The following PPP2R5E variants were observed in gnomAD, a reference collection of about 807,000 sequenced individuals.
The protein encoded by PPP2R5E is serine/threonine-protein phosphatase 2A 56 kDa regulatory subunit epsilon isoform.
A neutral mutation model predicts 65.3 loss-of-function variants in PPP2R5E; 4 were observed. That is an observed-to-expected ratio of 0.06 (90% CI 0.03 to 0.14). The LOEUF (loss-of-function observed/expected upper bound fraction) is 0.14. Ranked by LOEUF, PPP2R5E falls within the 10% of genes least tolerant of loss-of-function variation. The pLI is 1.00. For synonymous variants in PPP2R5E, 183 were observed against 187.4 expected (o/e 0.98, Z 0.19); for missense variants, 274 against 556.1 (o/e 0.49, Z 5.10).
chr14:63,520,704 C>T (rs547095483), intron 2 of PPP2R5E, among the ~76,000 whole-genome samples: 41 of 152,086 alleles, frequency 2.7e-4, no homozygotes, highest in African/African-American at 9.6e-4. Context: ...TAGCTGTTTG[C>T]TTCATATACA....
At position 63,382,090 on chromosome 14, in the gene PPP2R5E, C is replaced by T. The variant is rs1444354743; in HGVS notation, c.1270G>A (p.Glu424Lys). 2 of 1,613,574 alleles carry T rather than the reference C, an allele frequency of 1.2e-6. No individual in the cohort carries two copies. Among genetic ancestry groups the T allele is most frequent in the Non-Finnish European group, 8.5e-7 (1 of 1,179,722 alleles). ...TCTGACTTGTATGTGGCTGTCAGCT[C>T]GTCAAACATGGTGCTGTTCATTTCC... ...FMEMNSTMFD[E>K]LTATYKSDRQ... Residue 424 changes from glutamate to lysine, a missense_variant, in exon 13 of 14, where the codon GAG becomes AAG. By Grantham distance (56) the Glu-to-Lys change is moderately conservative. Transcript: ENST00000337537.
rs1260935277 is a variant in PPP2R5E at position 63,375,788 on chromosome 14, T to C, written c.*221A>G. On this transcript the variant is annotated 3_prime_UTR_variant, in exon 14 of 14. Transcript: ENST00000337537. Reference sequence around the variant, plus strand: ...AAGAGGGTGAGAACAATGATTATGTTTGCAAAGTTCTGAGAAGTCCATCTA... The same window carrying C: ...AAGAGGGTGAGAACAATGATTATGTCTGCAAAGTTCTGAGAAGTCCATCTA... 2.9e-6 allele frequency: 1 copy of C among 345,896 alleles called. No individual in the cohort carries two copies. Among genetic ancestry groups the C allele is most frequent in the African/African-American group, 2.1e-5 (1 of 47,272 alleles). The allele number at this position is 345,896 out of a possible 1,614,324, so 21.4% of individuals were successfully genotyped here. A position where few individuals can be genotyped will look rare whatever the true frequency, so the allele number is the denominator to read the frequency against.
At chr14:63,411,797 T>C (rs972834025) in intron 5 of PPP2R5E, among the ~76,000 whole-genome samples, 22 of 151,932 alleles carry the variant, frequency 1.4e-4, no homozygotes, top group African/African-American at 2.9e-4. Context: ...CAGAAGCAGA[T>C]GCTAGTGCCA....
At chr14:63,448,151 G>A (rs1222003316) in intron 3 of PPP2R5E, among the ~76,000 whole-genome samples, 1 of 151,862 alleles carries the variant, frequency 6.6e-6, no homozygotes, top group Non-Finnish European at 1.5e-5. Context: ...CAAAAAATTA[G>A]CCAGGCGTGG....
intron 2 of PPP2R5E, among the ~76,000 whole-genome samples, chr14:63,534,604 C>CT (rs1893591483): frequency 6.6e-6 from 1 of 152,124 alleles, no homozygotes; most frequent in Admixed American, 6.6e-5. Context: ...GAGTAAGAAT[C>CT]TTTTAGACTC....
intron 13 of PPP2R5E, among the ~76,000 whole-genome samples, chr14:63,381,494 G>A (rs905581856): frequency 1.3e-5 from 2 of 152,162 alleles, no homozygotes; most frequent in Non-Finnish European, 2.9e-5. Context: ...TCTTAACCCT[G>A]AGGCAGAAGT....
At chr14:63,399,370 T>TC (rs1885610485) in intron 5 of PPP2R5E, among the ~76,000 whole-genome samples, 1 of 75,954 alleles carries the variant, frequency 1.3e-5, no homozygotes. Flanking sequence ...TTCTTTCTTT[T>TC]TTTTTTTTTT....
At chr14:63,380,114 G>A (rs1050133453) in intron 13 of PPP2R5E, among the ~76,000 whole-genome samples, 7 of 151,840 alleles carry the variant, frequency 4.6e-5, no homozygotes, top group South Asian at 2.1e-4. Context: ...GATTACAGGC[G>A]TGAGCTACCG....
At chr14:63,519,666 CTCTT>C (rs1360351517) in intron 2 of PPP2R5E, among the ~76,000 whole-genome samples, 3 of 148,980 alleles carry the variant, frequency 2.0e-5, no homozygotes, top group Admixed American at 1.3e-4. Flanking sequence ...AGGACAAACT[CTCTT>C]TTTTTTTTTT....
chr14:63,384,338 A>T, intron 12 of PPP2R5E, 106 bp downstream of exon 12: 1 of 1,323,298 alleles, frequency 7.6e-7, no homozygotes, highest in Non-Finnish European at 1.1e-6. Context: ...TTATCTTTTC[A>T]CATACGTCTT....
chr14:63,483,248 G>A (rs1890801094), intron 2 of PPP2R5E, among the ~76,000 whole-genome samples: 1 of 152,082 alleles, frequency 6.6e-6, no homozygotes, highest in Admixed American at 6.6e-5. Context: ...ATGGGGAGGG[G>A]GGGTCACAGT....
intron 2 of PPP2R5E, among the ~76,000 whole-genome samples, chr14:63,516,053 G>C (rs1337405861): frequency 1.3e-5 from 2 of 151,796 alleles, no homozygotes; most frequent in Admixed American, 1.3e-4. Context: ...CTTTCACCAT[G>C]TTAGCCAGGA....
intron 3 of PPP2R5E, among the ~76,000 whole-genome samples, chr14:63,450,405 C>T (rs1358346496): frequency 1.3e-5 from 2 of 152,142 alleles, no homozygotes; most frequent in African/African-American, 4.8e-5. Context: ...TATTTTAAAA[C>T]ACATACAAAT....
intron 11 of PPP2R5E, among the ~76,000 whole-genome samples, chr14:63,387,981 C>T (rs949821854): frequency 1.3e-5 from 2 of 152,250 alleles, no homozygotes; most frequent in Non-Finnish European, 2.9e-5. Context: ...TCTCAAACTT[C>T]TGGCCTCCAG....
At chr14:63,474,566 G>A (rs568499372) in intron 2 of PPP2R5E, among the ~76,000 whole-genome samples, 7 of 151,218 alleles carry the variant, frequency 4.6e-5, no homozygotes, top group Admixed American at 6.6e-5. Flanking sequence ...CCAGCTACTC[G>A]GGAGGCTGAG....
At chr14:63,421,210 C>A (rs1887004489) in intron 4 of PPP2R5E, among the ~76,000 whole-genome samples, 1 of 151,974 alleles carries the variant, frequency 6.6e-6, no homozygotes, top group Non-Finnish European at 1.5e-5. Flanking sequence ...GTCGAGCAAC[C>A]TAAGGATATT....
intron 5 of PPP2R5E, among the ~76,000 whole-genome samples, chr14:63,403,796 A>G (rs1464993820): frequency 6.7e-6 from 1 of 149,190 alleles, no homozygotes; most frequent in Non-Finnish European, 1.5e-5. Flanking sequence ...TTAAAAAAAG[A>G]AAAAAAAAAG....
At chr14:63,422,741 A>C (rs1206888137) in intron 3 of PPP2R5E, among the ~76,000 whole-genome samples, 1 of 111,584 alleles carries the variant, frequency 9.0e-6, no homozygotes, top group Non-Finnish European at 1.9e-5. Flanking sequence ...AAAAAAAAAA[A>C]AAAAAAAAAA....
At position 63,415,188 on chromosome 14, in the gene PPP2R5E, G is replaced by A; in HGVS notation, c.501C>T (p.Phe167=). 1.2e-6 allele frequency: 2 copies of A among 1,605,336 alleles called. No individual in the cohort carries two copies. The highest frequency in any genetic ancestry group is 1.7e-6 in the Non-Finnish European group (2 of 1,173,210). Residue 167 remains phenylalanine (F), a synonymous_variant, in exon 5 of 14, where the codon TTC becomes TTT. Coordinates refer to ENST00000337537, the MANE Select transcript of PPP2R5E (RefSeq NM_006246.5). ...FFIRFLESQE[F]QPSIAKKYID... is the part of the protein sequence containing the mutation. ...TATATTTTTTGGCAATGCTGGGTTG[G>A]AATTCTTGGCTTTCCAAAAATCGTA...
Sources: allele counts gnomAD v4.1 joint callset (sites outside exome capture counted in the v4.1 genomes callset), GRCh38; gene constraint gnomAD v4.1.1; transcripts MANE v1.5; gene names NCBI Gene and HGNC (gene_info 2026-07-23, HGNC 2026-07-21).